Variants in ANO3 observed in about 807,000 individuals in gnomAD.
ANO3 encodes anoctamin 3.
A neutral mutation model predicts 144.8 loss-of-function variants in ANO3; 99 were observed. The observed-to-expected ratio is 0.68, with a 90% CI of 0.58 to 0.81. ANO3 has a LOEUF of 0.81. ANO3 is among the 30% of genes least tolerant of loss of function. The probability of loss-of-function intolerance (pLI) is 0.00; values close to 1 mark genes in which losing one functional copy is unlikely to be tolerated. For missense variants in ANO3, 905 were observed against 1,202.2 expected (o/e 0.75, Z 3.66); for synonymous variants, 414 against 392.6 (o/e 1.05, Z -0.64).
chr11:26,657,113 C>T (rs1232792339), intron 26 of ANO3, among the ~76,000 whole-genome samples: 1 of 152,028 alleles, frequency 6.6e-6, no homozygotes, highest in Non-Finnish European at 1.5e-5. Flanking sequence ...CTCTGAGGTA[C>T]CACTAAGGTC....
chr11:26,562,655 G>A (rs1357771552), intron 14 of ANO3, among the ~76,000 whole-genome samples: 1 of 151,720 alleles, frequency 6.6e-6, no homozygotes, highest in Admixed American at 6.6e-5. Flanking sequence ...TTGTTTTAGA[G>A]CCTCATTAAG....
At chr11:26,487,410 C>A (rs1157175722) in intron 4 of ANO3, among the ~76,000 whole-genome samples, 1 of 152,082 alleles carries the variant, frequency 6.6e-6, no homozygotes, top group Non-Finnish European at 1.5e-5. Flanking sequence ...TCTTTTTGTT[C>A]CCAGTTTGTG....
intron 1 of ANO3, among the ~76,000 whole-genome samples, chr11:26,398,204 T>C (rs1857065986): frequency 6.6e-6 from 1 of 152,098 alleles, no homozygotes; most frequent in Non-Finnish European, 1.5e-5. Flanking sequence ...ATGGTCCATT[T>C]GATTTTCTGG....
chr11:26,408,926 G>A (rs1249118495), intron 1 of ANO3, among the ~76,000 whole-genome samples: 2 of 151,166 alleles, frequency 1.3e-5, no homozygotes, highest in Non-Finnish European at 2.9e-5. Context: ...ATTGAACAAT[G>A]AGAACACATG....
chr11:26,474,842 T>C (rs1048545701), intron 4 of ANO3, among the ~76,000 whole-genome samples: 1 of 151,864 alleles, frequency 6.6e-6, no homozygotes, highest in African/African-American at 2.4e-5. Flanking sequence ...AGTACTTAAA[T>C]GATTTCTTAT....
intron 4 of ANO3, among the ~76,000 whole-genome samples, chr11:26,486,318 G>A (rs1267258842): frequency 7.3e-6 from 1 of 136,580 alleles, no homozygotes; most frequent in African/African-American, 2.8e-5. Flanking sequence ...CCAAGGTCAT[G>A]CCACTGCACT....
chr11:26,338,700 C>G (rs998033882), intron 1 of ANO3, among the ~76,000 whole-genome samples: 13 of 151,928 alleles, frequency 8.6e-5, no homozygotes, highest in South Asian at 4.2e-4. Flanking sequence ...TGAACCCCCC[C>G]ACTGGGAGAA....
At chr11:26,610,429 C>T (rs1590628966) in intron 17 of ANO3, among the ~76,000 whole-genome samples, 1 of 151,154 alleles carries the variant, frequency 6.6e-6, no homozygotes, top group African/African-American at 2.4e-5. Context: ...ATTTAAGTCC[C>T]TATATATTCT....
Position 26,462,779 on chromosome 11 carries a change from A to G in ANO3, c.314-251A>G, listed in dbSNP as rs551763303. Among the ~76,000 whole-genome samples the G allele has an allele frequency of 1.8e-4, 27 of 151,996 alleles. No individual in the cohort carries two copies. In the South Asian group the frequency reaches 4.6e-3, roughly 26 times the overall value. ...GAAGTACATTGAATAGCATAGATGAATTTAATTCTTCTGAAAGTCACTATC... is the reference window on the plus strand; with the variant it reads ...GAAGTACATTGAATAGCATAGATGAGTTTAATTCTTCTGAAAGTCACTATC... On this transcript the variant is annotated intron_variant, in intron 3 of 26. Coordinates refer to ENST00000256737, the MANE Select transcript of ANO3 (RefSeq NM_031418.4).
chr11:26,255,624 AG>A (rs1853039889), intron 1 of ANO3, among the ~76,000 whole-genome samples: 2 of 152,122 alleles, frequency 1.3e-5, no homozygotes, highest in Non-Finnish European at 2.9e-5. Context: ...AAAAGATGGG[AG>A]GGGGGTTTTG....
At chr11:26,518,733 T>A (rs1273649960) in intron 6 of ANO3, among the ~76,000 whole-genome samples, 3 of 152,060 alleles carry the variant, frequency 2.0e-5, no homozygotes, top group East Asian at 3.9e-4. Flanking sequence ...CAAAGATTTC[T>A]TAGTGATTTT....
At chr11:26,433,889 GT>G (rs1191023154) in intron 1 of ANO3, among the ~76,000 whole-genome samples, 1 of 152,134 alleles carries the variant, frequency 6.6e-6, no homozygotes, top group Non-Finnish European at 1.5e-5. Context: ...CCAGATTTTG[GT>G]ATCAGAATGA....
Position 26,544,273 on chromosome 11 carries a change from T to TATACACACACAC in ANO3, c.1154+2206_1154+2207insTACACACACACA. Among the ~76,000 whole-genome samples, 5 of 58,566 alleles carry TATACACACACAC rather than the reference T, an allele frequency of 8.5e-5. No homozygotes were observed. In the South Asian group the frequency reaches 3.0e-3, roughly 35 times the overall value. 38.4% of individuals were successfully genotyped at this position (58,566 alleles called of 152,430 possible). ...ATACATATATATATATATATATATA[T>TATACACACACAC]ACACACATACACACACACACACACA... On this transcript the variant is annotated intron_variant, in intron 11 of 26. Transcript: ENST00000256737.
At chr11:26,460,823 A>T (rs1307710317) in intron 3 of ANO3, among the ~76,000 whole-genome samples, 1 of 152,104 alleles carries the variant, frequency 6.6e-6, no homozygotes, top group Non-Finnish European at 1.5e-5. Flanking sequence ...TAAAATAATT[A>T]ATGTAAATTG....
intron 1 of ANO3, among the ~76,000 whole-genome samples, chr11:26,268,054 T>C (rs962245101): frequency 2.0e-5 from 3 of 152,162 alleles, no homozygotes; most frequent in Non-Finnish European, 4.4e-5. Flanking sequence ...CCATGTTACA[T>C]ATACTGGTCA....
chr11:26,585,557 G>A (rs1565123722), intron 14 of ANO3, among the ~76,000 whole-genome samples: 1 of 147,192 alleles, frequency 6.8e-6, no homozygotes, highest in East Asian at 2.0e-4. Flanking sequence ...TGAACCCCAT[G>A]CTATTTCATT....
intron 5 of ANO3, among the ~76,000 whole-genome samples, chr11:26,509,866 T>C (rs1025810736): frequency 6.6e-6 from 1 of 152,036 alleles, no homozygotes; most frequent in African/African-American, 2.4e-5. Context: ...CATTTAGGCC[T>C]GGCGCCATGG....
chr11:26,206,334 T>C (rs1217338537), intron 1 of ANO3, among the ~76,000 whole-genome samples: 1 of 152,180 alleles, frequency 6.6e-6, no homozygotes, highest in African/African-American at 2.4e-5. Flanking sequence ...ATGGTTATAA[T>C]TATTCTTCTC....
At position 26,298,855 on chromosome 11, in the gene ANO3, A is replaced by T. The variant is rs575730764; in HGVS notation, c.155-10790A>T. 3.9e-5 allele frequency among the ~76,000 whole-genome samples: 6 copies of T among 152,304 alleles called. No homozygotes were observed. In the South Asian group the frequency reaches 1.0e-3, roughly 26 times the overall value. The stretch of plus-strand genomic sequence containing the variant: ...GATTTTTGGCCCCAAGCTTTTCTCC[A>T]TCGACTGAAATGACAAAATAATGAC... On this transcript the variant is annotated intron_variant, in intron 1 of 27. Transcript: ENST00000672621.
Sources: gnomAD v4.1 joint callset for allele counts (sites outside exome capture counted in the v4.1 genomes callset) on GRCh38, gnomAD v4.1.1 for gene constraint, MANE v1.5 for transcripts, NCBI Gene and HGNC (gene_info 2026-07-23, HGNC 2026-07-21) for gene names.